ADGRV1: variants seen among roughly 807,000 people sequenced by gnomAD.
The protein encoded by ADGRV1 is G-protein coupled receptor 98.
Under a neutral mutation model 596.2 loss-of-function variants are expected in ADGRV1, and 359 were observed. The observed-to-expected ratio is 0.60, with a 90% confidence interval of 0.55 to 0.66. The LOEUF is 0.66. Among genes scored for constraint, ADGRV1 ranks in the 30% least tolerant of loss-of-function variants. ADGRV1 has a pLI of 0.00. For synonymous variants in ADGRV1, 2,681 were observed against 2,679.2 expected (o/e 1.00, Z -0.02); for missense variants, 7,274 against 7,575.6 (o/e 0.96, Z 1.48).
At chr5:90,974,865 T>A (rs1779413788) in intron 84 of ADGRV1, among the ~76,000 whole-genome samples, 1 of 152,192 alleles carries the variant, frequency 6.6e-6, no homozygotes, top group African/African-American at 2.4e-5. Flanking sequence ...CTAATTAAAC[T>A]AAAGAGCTTC....
intron 87 of ADGRV1, among the ~76,000 whole-genome samples, chr5:91,125,775 A>G (rs546912497): frequency 2.0e-5 from 3 of 152,336 alleles, no homozygotes; most frequent in African/African-American, 7.2e-5. Context: ...TTCATTGGTA[A>G]CCAGATCAAC....
At chr5:91,007,879 A>G (rs1437063187) in intron 85 of ADGRV1, among the ~76,000 whole-genome samples, 2 of 152,158 alleles carry the variant, frequency 1.3e-5, no homozygotes, top group African/African-American at 2.4e-5. Context: ...TTATACTACT[A>G]ATAGTATTAT....
rs771832375 is a variant in ADGRV1 at position 90,629,400 on chromosome 5, C to T, written c.1700C>T (p.Pro567Leu). The T allele has an allele frequency of 1.9e-6, 3 of 1,613,396 alleles. No homozygotes were observed. Among genetic ancestry groups the T allele is most frequent in the East Asian group, 4.5e-5 (2 of 44,822 alleles). The change falls in exon 9 of 90, where the codon CCC (proline) becomes CTC (leucine). Residue 567 changes from proline to leucine, a missense_variant. Pro to Leu is a moderately conservative substitution (Grantham distance 98). Coordinates refer to ENST00000405460, the MANE Select transcript of ADGRV1 (RefSeq NM_032119.4). ...TACATTCCTGCTGGAGCTGTGGACCCCTTGCAAGCAAAAGAAGGCATCTTA... is the reference window on the plus strand; with the variant it reads ...TACATTCCTGCTGGAGCTGTGGACCTCTTGCAAGCAAAAGAAGGCATCTTA... ...VLYIPAGAVD[P>L]LQAKEGILNI...
At chr5:90,706,674 A>C (rs1056879351) in intron 38 of ADGRV1, among the ~76,000 whole-genome samples, 21 of 151,296 alleles carry the variant, frequency 1.4e-4, no homozygotes, top group African/African-American at 4.4e-4. Context: ...GTAACTTTGC[A>C]TTTTAAGACA....
intron 83 of ADGRV1, among the ~76,000 whole-genome samples, chr5:90,943,921 A>G (rs1345805767): frequency 1.3e-5 from 2 of 152,168 alleles, no homozygotes; most frequent in Non-Finnish European, 2.9e-5. Flanking sequence ...AATAAAGTCA[A>G]CTTCTAAGGT....
intron 76 of ADGRV1, among the ~76,000 whole-genome samples, chr5:90,828,693 G>T (rs1764265931): frequency 6.6e-6 from 1 of 152,134 alleles, no homozygotes; most frequent in East Asian, 1.9e-4. Context: ...AACATAGGTT[G>T]TTTCCTGACA....
Position 91,155,054 on chromosome 5 carries a change from A to G in ADGRV1, c.18802+1656A>G, listed in dbSNP as rs571106120. Reference sequence around the variant, plus strand: ...AATAAGAACTCAACCCTATACTCAGATTAGTGCTTAGAATAACCTTTGCTA... The same window carrying G: ...AATAAGAACTCAACCCTATACTCAGGTTAGTGCTTAGAATAACCTTTGCTA... On this transcript the variant is annotated intron_variant, in intron 89 of 89. Transcript: ENST00000405460. Among the ~76,000 whole-genome samples the G allele has an allele frequency of 5.9e-5, 9 of 152,326 alleles. No homozygotes were observed. In the South Asian group the frequency reaches 1.9e-3, roughly 32 times the overall value.
At chr5:90,654,096 GC>G (rs1415649178) in intron 20 of ADGRV1, 144 bp downstream of exon 20, 3 of 836,152 alleles carry the variant, frequency 3.6e-6, no homozygotes, top group Non-Finnish European at 5.7e-6. Context: ...AAAACTATGT[GC>G]CTACCAAGAT....
chr5:90,699,525 A>G (rs1747628070), intron 34 of ADGRV1, among the ~76,000 whole-genome samples: 1 of 152,196 alleles, frequency 6.6e-6, no homozygotes, highest in Admixed American at 6.5e-5. Flanking sequence ...ACTTAGAGCT[A>G]TACTAGGCAT....
chr5:90,998,726 C>A (rs1302795902), intron 85 of ADGRV1, among the ~76,000 whole-genome samples: 1 of 152,056 alleles, frequency 6.6e-6, no homozygotes, highest in East Asian at 1.9e-4. Context: ...TAAAAAGATG[C>A]ACGTGTTTAC....
chr5:91,157,054 G>A (rs1295402599), intron 89 of ADGRV1, among the ~76,000 whole-genome samples: 1 of 152,190 alleles, frequency 6.6e-6, no homozygotes, highest in Non-Finnish European at 1.5e-5. Flanking sequence ...CTTTGGACAT[G>A]AGCTCTTCCA....
At chr5:90,765,702 T>G (rs923126141) in intron 59 of ADGRV1, among the ~76,000 whole-genome samples, 3 of 151,916 alleles carry the variant, frequency 2.0e-5, no homozygotes, top group Non-Finnish European at 4.4e-5. Context: ...AATTCTTTTT[T>G]TTTGTTTGTT....
intron 39 of ADGRV1, among the ~76,000 whole-genome samples, chr5:90,710,602 T>C (rs191498489): frequency 6.6e-6 from 1 of 152,278 alleles, no homozygotes; most frequent in Non-Finnish European, 1.5e-5. Flanking sequence ...TTTTCATTTT[T>C]TTTTGCTCTT....
chr5:91,136,851 G>A (rs1040624321), intron 87 of ADGRV1, among the ~76,000 whole-genome samples: 2 of 144,386 alleles, frequency 1.4e-5, no homozygotes, highest in Admixed American at 7.2e-5. Context: ...AGAAAATTAA[G>A]CTTGGGGCTG....
At chr5:90,803,345 C>T (rs1581173716) in intron 71 of ADGRV1, among the ~76,000 whole-genome samples, 1 of 152,058 alleles carries the variant, frequency 6.6e-6, no homozygotes, top group East Asian at 1.9e-4. Flanking sequence ...AAGATTATTT[C>T]CCAATCATTT....
intron 84 of ADGRV1, among the ~76,000 whole-genome samples, chr5:90,966,122 G>A (rs1170186140): frequency 6.6e-6 from 1 of 152,128 alleles, no homozygotes; most frequent in Non-Finnish European, 1.5e-5. Context: ...TTTCTGGCCG[G>A]GTATCTGGTG....
At position 90,779,145 on chromosome 5, in the gene ADGRV1, AAGAG is replaced by A. The variant is rs555819567; in HGVS notation, c.13082+52_13082+55del. Reference sequence around the variant, plus strand: ...AAAAAGAAAGCAAAGAGCAGAGAGAAAGAGAGAAAGTTCTATTGTGTAGAGATTA... The same window carrying A: ...AAAAAGAAAGCAAAGAGCAGAGAGAAAGAAAGTTCTATTGTGTAGAGATTA... On this transcript the variant is annotated intron_variant, in intron 64 of 89. Coordinates refer to ENST00000405460, the MANE Select transcript of ADGRV1 (RefSeq NM_032119.4). 294 of 1,127,154 alleles carry A rather than the reference AAGAG, an allele frequency of 2.6e-4. No homozygotes were observed. The African/African-American group carries it at 3.1e-3, about 12-fold the overall frequency. The allele number at this position is 1,127,154 out of a possible 1,614,324, so 69.8% of individuals were successfully genotyped here.
At chr5:90,835,727 C>T (rs1299712388) in intron 77 of ADGRV1, among the ~76,000 whole-genome samples, 1 of 152,158 alleles carries the variant, frequency 6.6e-6, no homozygotes, top group African/African-American at 2.4e-5. Flanking sequence ...AAAGAAAAGA[C>T]CCTCCAGCCC....
At chr5:91,096,487 T>A (rs1371404136) in intron 86 of ADGRV1, among the ~76,000 whole-genome samples, 1 of 152,196 alleles carries the variant, frequency 6.6e-6, no homozygotes, top group East Asian at 1.9e-4. Context: ...TTGTTGTTTG[T>A]TGTTGTTGTT....
Sources: allele counts gnomAD v4.1 joint callset (sites outside exome capture counted in the v4.1 genomes callset), GRCh38; gene constraint gnomAD v4.1.1; transcripts MANE v1.5; gene names NCBI Gene and HGNC (gene_info 2026-07-23, HGNC 2026-07-21).